Variants in ANAPC11 observed in about 807,000 individuals in gnomAD.
ANAPC11 encodes the protein anaphase promoting complex subunit 11.
In ANAPC11, 5 loss-of-function variants were observed where a neutral mutation model predicts 11.8. The ratio of observed to expected loss-of-function variants is 0.42; its 90% CI spans 0.22 to 0.89. The LOEUF (loss-of-function observed/expected upper bound fraction) is 0.89. Among genes scored for constraint, ANAPC11 ranks in the 40% least tolerant of loss-of-function variants. The pLI, the probability that ANAPC11 is intolerant of heterozygous loss-of-function variation, is 0.28. For synonymous variants in ANAPC11, 45 were observed against 41.0 expected (o/e 1.10, Z -0.38); for missense variants, 68 against 112.9 (o/e 0.60, Z 1.80).
At chr17:81,895,473 G>C (rs753014432) in intron 3 of ANAPC11, among the ~76,000 whole-genome samples, 6 of 152,240 alleles carry the variant, frequency 3.9e-5, no homozygotes, top group Non-Finnish European at 7.3e-5. Context: ...TGTGAAATAC[G>C]TGGGATTAAA....
At chr17:81,893,642 G>A (rs2143528087) in intron 2 of ANAPC11, 28 bp downstream of exon 2, 1 of 152,122 alleles carries the variant, frequency 6.6e-6, no homozygotes, top group African/African-American at 2.4e-5. Context: ...ACTGTCCTGT[G>A]CTCCCAAATG....
At chr17:81,890,980 A>AGGCCGCACGGTCCCACCGC, upstream of ANAPC11, 1 of 1,110,014 alleles carries the variant, frequency 9.0e-7, no homozygotes, top group Non-Finnish European at 1.3e-6. Flanking sequence ...CCCCAGCCCG[A>AGGCCGCACGGTCCCACCGC]GGCCGCACGG....
Position 81,896,010 on chromosome 17 carries a change from G to A in ANAPC11, c.109+1424G>A, listed in dbSNP as rs573238155. ...CAAAATTGAATGGCATAGGCCAGGC[G>A]CAGTGGCTCACACCTGTAATCCCAC... On this transcript the variant is annotated intron_variant, in intron 3 of 3. Coordinates refer to ENST00000344877, the MANE Select transcript of ANAPC11 (RefSeq NM_001002248.3). Among the ~76,000 whole-genome samples, 22 of 152,108 alleles carry A rather than the reference G, an allele frequency of 1.4e-4. No individual in the cohort carries two copies. The South Asian group carries it at 3.7e-3, about 26-fold the overall frequency.
At chr17:81,898,569 AT>A (rs2039820266) in intron 3 of ANAPC11, 1 of 152,384 alleles carries the variant, frequency 6.6e-6, no homozygotes, top group African/African-American at 2.4e-5. Context: ...GACGAGTCCA[AT>A]GTGCTTCCAT....
intron 1 of ANAPC11, chr17:81,892,227 C>T (rs1403428151): frequency 1.3e-5 from 2 of 152,550 alleles, no homozygotes; most frequent in Non-Finnish European, 2.9e-5. Context: ...AATCCCAGCA[C>T]TTTGGGAGGC....
intron 3 of ANAPC11, among the ~76,000 whole-genome samples, chr17:81,895,489 A>G (rs1362089362): frequency 6.6e-6 from 1 of 152,248 alleles, no homozygotes; most frequent in Non-Finnish European, 1.5e-5. Context: ...TTAAAAAGAG[A>G]TTAGAGTCTG....
intron 3 of ANAPC11, chr17:81,898,439 G>T (rs535839744): frequency 6.6e-6 from 1 of 152,376 alleles, no homozygotes; most frequent in Admixed American, 6.5e-5. Context: ...CTGACACAGT[G>T]TGCTCAGGCT....
intron 3 of ANAPC11, chr17:81,899,689 G>C: frequency 9.3e-7 from 1 of 1,074,406 alleles, no homozygotes; most frequent in Non-Finnish European, 1.3e-6. Context: ...CGGTTGCCCC[G>C]GGTGGAGGCC....
At chr17:81,891,362 G>A, upstream of ANAPC11, 3 of 1,153,508 alleles carry the variant, frequency 2.6e-6, no homozygotes, top group South Asian at 2.9e-5. Flanking sequence ...CGCCTCCGCC[G>A]GCCGCGCCGC....
upstream of ANAPC11, chr17:81,891,432 T>C: frequency 9.9e-7 from 1 of 1,014,502 alleles, no homozygotes; most frequent in African/African-American, 1.8e-5. Context: ...CGCGGCGGCC[T>C]GCGCCCCACC....
intron 3 of ANAPC11, among the ~76,000 whole-genome samples, chr17:81,895,542 G>A (rs1398091338): frequency 2.6e-5 from 4 of 152,200 alleles, no homozygotes; most frequent in African/African-American, 9.7e-5. Context: ...CCGGCATGGC[G>A]GCCCACGCCT....
At chr17:81,891,360 C>T, upstream of ANAPC11, 3 of 1,154,398 alleles carry the variant, frequency 2.6e-6, no homozygotes, top group South Asian at 2.9e-5. Context: ...GCCGCCTCCG[C>T]CGGCCGCGCC....
At chr17:81,898,630 T>A (rs2039823450) in intron 3 of ANAPC11, 1 of 152,418 alleles carries the variant, frequency 6.6e-6, no homozygotes, top group Non-Finnish European at 1.5e-5. Flanking sequence ...CTGTGAAAAA[T>A]TCAGAGTGAC....
At chr17:81,890,855 A>C, upstream of ANAPC11, 1 of 1,613,700 alleles carries the variant, frequency 6.2e-7, no homozygotes, top group African/African-American at 1.3e-5. Flanking sequence ...CAGATCTGTG[A>C]GTCTCAGTCC....
At chr17:81,896,101 T>C (rs1219688203) in intron 3 of ANAPC11, among the ~76,000 whole-genome samples, 4 of 152,006 alleles carry the variant, frequency 2.6e-5, no homozygotes, top group Non-Finnish European at 1.5e-5. Context: ...CTGGCCAACA[T>C]GGCAAAACCC....
intron 2 of ANAPC11, 68 bp from the exon 3 acceptor site, chr17:81,894,399 T>C: frequency 1.1e-6 from 1 of 888,910 alleles, no homozygotes; most frequent in African/African-American, 1.6e-5. Flanking sequence ...CTTATACCTG[T>C]GTTGGTGCCT....
intron 3 of ANAPC11, among the ~76,000 whole-genome samples, chr17:81,897,896 T>G (rs965398553): frequency 6.6e-6 from 1 of 152,198 alleles, no homozygotes; most frequent in Non-Finnish European, 1.5e-5. Context: ...GTGCTGGGAT[T>G]ATAGGTGTGG....
intron 3 of ANAPC11, among the ~76,000 whole-genome samples, chr17:81,896,848 T>C (rs2039762963): frequency 6.9e-6 from 1 of 145,268 alleles, no homozygotes; most frequent in South Asian, 2.2e-4. Context: ...AGTCTTGCCC[T>C]GTTGCTCAGA....
At chr17:81,891,557 C>T, upstream of ANAPC11, 1 of 1,438,286 alleles carries the variant, frequency 7.0e-7, no homozygotes, top group Non-Finnish European at 9.1e-7. Context: ...TTTTGTCGGC[C>T]ATGGCGGGCG....
Sources: gnomAD v4.1 joint callset for allele counts (sites outside exome capture counted in the v4.1 genomes callset) on GRCh38, gnomAD v4.1.1 for gene constraint, MANE v1.5 for transcripts, NCBI Gene and HGNC (gene_info 2026-07-23, HGNC 2026-07-21) for gene names.